Variants in FRYL observed in about 807,000 individuals in gnomAD.
FRYL encodes FRY like transcription coactivator.
In FRYL, 150 loss-of-function variants were observed where a neutral mutation model predicts 351.2. The observed-to-expected ratio is 0.43, with a 90% confidence interval of 0.37 to 0.49. The LOEUF (loss-of-function observed/expected upper bound fraction) is 0.49. Ranked by LOEUF, FRYL falls within the 20% of genes least tolerant of loss-of-function variation. The pLI is 0.00. For synonymous variants in FRYL, 1,153 were observed against 1,257.1 expected (o/e 0.92, Z 1.75); for missense variants, 3,036 against 3,619.3 (o/e 0.84, Z 4.13).
At chr4:48,772,392 AT>A (rs1775605577) in intron 1 of FRYL, among the ~76,000 whole-genome samples, 1 of 152,172 alleles carries the variant, frequency 6.6e-6, no homozygotes, top group Non-Finnish European at 1.5e-5. Flanking sequence ...TGTCAAAAAA[AT>A]AAATAAATAC....
At chr4:48,696,606 G>A (rs1481921436) in intron 2 of FRYL, among the ~76,000 whole-genome samples, 1 of 151,864 alleles carries the variant, frequency 6.6e-6, no homozygotes, top group Non-Finnish European at 1.5e-5. Context: ...ATGATGGGGG[G>A]ATAGGTGCAG....
At chr4:48,546,483 T>G in intron 41 of FRYL, 1 of 570,016 alleles carries the variant, frequency 1.8e-6, no homozygotes. Context: ...GCTTGAAAAC[T>G]TAGCAATTTG....
At chr4:48,761,873 A>T (rs2109372998) in intron 1 of FRYL, among the ~76,000 whole-genome samples, 1 of 152,308 alleles carries the variant, frequency 6.6e-6, no homozygotes, top group East Asian at 1.9e-4. Flanking sequence ...CAATGACAAA[A>T]GTCACTAAGG....
At position 48,594,117 on chromosome 4, in the gene FRYL, C is replaced by T. The variant is rs529546256; in HGVS notation, c.1249-101G>A. On this transcript the variant is annotated intron_variant, in intron 15 of 63. Coordinates refer to ENST00000358350, the MANE Select transcript of FRYL (RefSeq NM_015030.2). ...AATGACAACAAGACAGGTTTGTGCCCTTAAAAAGTTCACAGCTGAACAGAA... is the reference window on the plus strand; with the variant it reads ...AATGACAACAAGACAGGTTTGTGCCTTTAAAAAGTTCACAGCTGAACAGAA... 1.0e-4 allele frequency: 64 copies of T among 623,438 alleles called. No homozygotes were observed. In the East Asian group the frequency reaches 2.2e-3, roughly 21 times the overall value. The allele number at this position is 623,438 out of a possible 1,614,324, so 38.6% of individuals were successfully genotyped here.
intron 4 of FRYL, among the ~76,000 whole-genome samples, chr4:48,627,298 C>T (rs113932994): frequency 2.6e-4 from 40 of 152,176 alleles, no homozygotes; most frequent in Non-Finnish European, 4.7e-4. Context: ...TTTGATCCCC[C>T]CTTTTCACTG....
At chr4:48,618,531 G>C (rs921612961) in intron 7 of FRYL, 1 of 148,398 alleles carries the variant, frequency 6.7e-6, no homozygotes, top group Non-Finnish European at 1.5e-5. Context: ...CAATGTTCGT[G>C]CCTGGAAATA....
At chr4:48,761,187 T>C (rs1774389439) in intron 1 of FRYL, among the ~76,000 whole-genome samples, 1 of 152,166 alleles carries the variant, frequency 6.6e-6, no homozygotes, top group Admixed American at 6.5e-5. Flanking sequence ...ATTTCTACTT[T>C]TCACCATGCT....
At chr4:48,667,847 C>G (rs1001470428) in intron 3 of FRYL, among the ~76,000 whole-genome samples, 1 of 152,150 alleles carries the variant, frequency 6.6e-6, no homozygotes, top group African/African-American at 2.4e-5. Context: ...AGGATTTCAC[C>G]ATGTTGGCCA....
chr4:48,546,604 T>A (rs1212828969), intron 41 of FRYL: 2 of 243,242 alleles, frequency 8.2e-6, no homozygotes, highest in Non-Finnish European at 1.6e-5. Context: ...ATTTCTATAA[T>A]ATGAACTGAT....
At chr4:48,707,344 T>TA (rs757319459) in intron 2 of FRYL, among the ~76,000 whole-genome samples, 2 of 152,202 alleles carry the variant, frequency 1.3e-5, no homozygotes, top group Non-Finnish European at 2.9e-5. Flanking sequence ...ATTACTTTTT[T>TA]AAAAGGTCTT....
Position 48,605,795 on chromosome 4 carries a change from AT to A in FRYL, c.779del (p.Asp260ValfsTer2). 6.2e-7 allele frequency: 1 copy of A among 1,607,458 alleles called. No individual in the cohort carries two copies. Among genetic ancestry groups the A allele is most frequent in the Admixed American group, 1.7e-5 (1 of 59,824 alleles). On this transcript the variant is annotated frameshift_variant, in exon 11 of 64. Coordinates refer to ENST00000358350, the MANE Select transcript of FRYL (RefSeq NM_015030.2). LOFTEE classifies it high-confidence loss of function. ...ATAAACCAGCAAGTGCATGTTTTAT[AT>A]CTTTATCTTTCACTTCTAAGAAATA... ...AQYFLEVKDK[D>X]IKHALAGLFV...
chr4:48,694,761 A>G (rs1442386118), intron 2 of FRYL, among the ~76,000 whole-genome samples: 2 of 152,206 alleles, frequency 1.3e-5, no homozygotes, highest in Non-Finnish European at 2.9e-5. Flanking sequence ...CATAATTTGT[A>G]AATCCCTGGC....
intron 1 of FRYL, among the ~76,000 whole-genome samples, chr4:48,715,803 G>A (rs1768742146): frequency 6.6e-6 from 1 of 152,182 alleles, no homozygotes; most frequent in Admixed American, 6.6e-5. Context: ...CCAAAAAAGA[G>A]CCCGCATCGC....
At chr4:48,508,078 CTATT>C (rs888199260) in intron 59 of FRYL, among the ~76,000 whole-genome samples, 3 of 152,192 alleles carry the variant, frequency 2.0e-5, no homozygotes, top group African/African-American at 7.2e-5. Context: ...GTCTTTGTAA[CTATT>C]TAATTGTTAC....
chr4:48,662,164 GCACAGTGGCTGA>G (rs2149477231), intron 3 of FRYL, among the ~76,000 whole-genome samples: 1 of 152,308 alleles, frequency 6.6e-6, no homozygotes, highest in East Asian at 1.9e-4. Context: ...TTGAGGACAG[GCACAGTGGCTGA>G]CACGTGTAAT....
At chr4:48,631,132 A>G (rs180783252) in intron 4 of FRYL, among the ~76,000 whole-genome samples, 117 of 152,310 alleles carry the variant, frequency 7.7e-4, no homozygotes, top group African/African-American at 2.7e-3. Context: ...TCTGCTCTAG[A>G]TAAGAAGAAA....
intron 24 of FRYL, among the ~76,000 whole-genome samples, chr4:48,575,622 T>C (rs767351156): frequency 4.6e-5 from 7 of 152,348 alleles, no homozygotes; most frequent in Non-Finnish European, 8.8e-5. Flanking sequence ...TCATGAAAAC[T>C]AAACCACTGT....
intron 45 of FRYL, 101 bp downstream of exon 45, chr4:48,541,926 T>C: frequency 1.2e-6 from 1 of 805,106 alleles, no homozygotes; most frequent in East Asian, 2.5e-5. Context: ...ATTTGGGCAG[T>C]ATTGTGCTTA....
intron 62 of FRYL, among the ~76,000 whole-genome samples, chr4:48,500,808 G>A (rs1303473709): frequency 6.6e-6 from 1 of 152,132 alleles, no homozygotes; most frequent in East Asian, 1.9e-4. Context: ...ATGTGGGCTG[G>A]GCACGGTGGC....
Sources: gnomAD v4.1 joint callset for allele counts (sites outside exome capture counted in the v4.1 genomes callset) on GRCh38, gnomAD v4.1.1 for gene constraint, MANE v1.5 for transcripts, NCBI Gene and HGNC (gene_info 2026-07-23, HGNC 2026-07-21) for gene names.